PTK2: variants seen among roughly 807,000 people sequenced by gnomAD.
PTK2 encodes the protein focal adhesion kinase 1.
Under a neutral mutation model 150.1 loss-of-function variants are expected in PTK2, and 45 were observed. The observed-to-expected ratio is 0.30, with a 90% confidence interval of 0.24 to 0.38. The LOEUF (loss-of-function observed/expected upper bound fraction) is 0.38, where lower values mean the gene tolerates loss of function less well. Ranked by LOEUF, PTK2 falls within the 10% of genes least tolerant of loss-of-function variation. The pLI is 1.00. For synonymous variants in PTK2, 432 were observed against 449.2 expected (o/e 0.96, Z 0.48); for missense variants, 919 against 1,307.3 (o/e 0.70, Z 4.58).
chr8:140,989,651 G>C (rs1265971470), intron 1 of PTK2, among the ~76,000 whole-genome samples: 1 of 152,072 alleles, frequency 6.6e-6, no homozygotes, highest in East Asian at 1.9e-4. Context: ...GCTCACACCT[G>C]TAATCCCAGC....
At chr8:140,975,806 T>G (rs1031262) in intron 1 of PTK2, among the ~76,000 whole-genome samples, 66,480 of 152,004 alleles carry the variant, frequency 0.44, 16,444 homozygotes, top group Non-Finnish European at 0.57. Flanking sequence ...TCATGCTGCA[T>G]GCCAGGGAAC....
chr8:140,992,216 C>T (rs1341828391), intron 1 of PTK2, among the ~76,000 whole-genome samples: 3 of 150,628 alleles, frequency 2.0e-5, no homozygotes, highest in Non-Finnish European at 2.9e-5. Context: ...TGCTTGAACC[C>T]GAGAGGCAGA....
intron 1 of PTK2, among the ~76,000 whole-genome samples, chr8:140,957,543 A>G (rs2100181617): frequency 6.6e-6 from 1 of 152,226 alleles, no homozygotes; most frequent in Non-Finnish European, 1.5e-5. Context: ...TAAAATCTAC[A>G]GTAGCGTACA....
chr8:140,718,818 A>G (rs2154276497), intron 22 of PTK2: 1 of 152,342 alleles, frequency 6.6e-6, no homozygotes, highest in South Asian at 2.1e-4. Context: ...AAGTCAGCAA[A>G]CCATCACTAC....
At chr8:140,865,955 T>A (rs2100139013) in intron 4 of PTK2, among the ~76,000 whole-genome samples, 2 of 152,196 alleles carry the variant, frequency 1.3e-5, no homozygotes, top group East Asian at 3.9e-4. Flanking sequence ...TGGCTAACTT[T>A]TGTATTTTTA....
intron 1 of PTK2, among the ~76,000 whole-genome samples, chr8:140,943,128 G>A (rs1220516726): frequency 6.6e-6 from 1 of 152,018 alleles, no homozygotes; most frequent in Non-Finnish European, 1.5e-5. Flanking sequence ...CCCAGTCTTG[G>A]GTATTTCTTT....
intron 13 of PTK2, among the ~76,000 whole-genome samples, chr8:140,790,579 G>C (rs556251284): frequency 1.5e-4 from 23 of 152,272 alleles, no homozygotes; most frequent in African/African-American, 5.3e-4. Flanking sequence ...TTCCAATTTT[G>C]GAGCATTTTG....
intron 8 of PTK2, chr8:140,821,852 G>T (rs944869531): frequency 6.6e-5 from 10 of 152,208 alleles, no homozygotes; most frequent in Admixed American, 2.0e-4. Flanking sequence ...CAATAAAATG[G>T]GTTCAAGGTT....
rs192194460 is a variant in PTK2, at chr8:140,934,895, G to A, written c.-121-9146C>T. On this transcript the variant is annotated intron_variant, in intron 1 of 31. Coordinates refer to ENST00000522684, the Ensembl canonical transcript of PTK2. ...TTTTCTTTTCTGTAGGGAAAAGAAA[G>A]AGATATCAAAATGGAGTTAGAGAGA... Among the ~76,000 whole-genome samples the A allele has an allele frequency of 1.0e-4, 15 of 145,794 alleles. No individual in the cohort carries two copies. In the East Asian group the frequency reaches 2.5e-3, roughly 24 times the overall value.
intron 1 of PTK2, among the ~76,000 whole-genome samples, chr8:140,959,906 C>T (rs1014752555): frequency 3.5e-4 from 53 of 151,710 alleles, no homozygotes; most frequent in Non-Finnish European, 1.5e-4. Flanking sequence ...GTCCTCGCTA[C>T]TTGAAAGGCT....
chr8:140,979,926 C>T (rs1016034085), intron 1 of PTK2, among the ~76,000 whole-genome samples: 8 of 152,166 alleles, frequency 5.3e-5, no homozygotes, highest in Non-Finnish European at 7.3e-5. Flanking sequence ...TACCCAGTCT[C>T]GGATATGTCT....
chr8:140,714,560 G>A (rs1458928142), intron 23 of PTK2, among the ~76,000 whole-genome samples: 2 of 151,518 alleles, frequency 1.3e-5, no homozygotes, highest in East Asian at 1.9e-4. Flanking sequence ...ACTTTGGGAG[G>A]CTGAGGCGGG....
exon 7 of PTK2, chr8:140,846,272 T>C: frequency 1.2e-6 from 2 of 1,610,862 alleles, no homozygotes; most frequent in Non-Finnish European, 1.7e-6. Context: ...TAATACTTCA[T>C]AGTTAGACTT....
chr8:140,681,604 C>A (rs777997444), intron 27 of PTK2, among the ~76,000 whole-genome samples: 1 of 151,788 alleles, frequency 6.6e-6, no homozygotes, highest in Non-Finnish European at 1.5e-5. Context: ...AGTGAAACAC[C>A]GTCTCTACTA....
At chr8:140,825,632 G>C (rs1307956311) in intron 8 of PTK2, among the ~76,000 whole-genome samples, 1 of 152,180 alleles carries the variant, frequency 6.6e-6, no homozygotes, top group Non-Finnish European at 1.5e-5. Context: ...GAGCACCCTT[G>C]GTACCCACTG....
intron 7 of PTK2, among the ~76,000 whole-genome samples, chr8:140,839,214 T>G (rs912911264): frequency 6.6e-6 from 1 of 151,774 alleles, no homozygotes; most frequent in African/African-American, 2.4e-5. Flanking sequence ...ACCTGCAAGG[T>G]GGGGATGATG....
chr8:140,910,951 C>T (rs2100162897), intron 2 of PTK2, among the ~76,000 whole-genome samples: 1 of 152,138 alleles, frequency 6.6e-6, no homozygotes, highest in East Asian at 1.9e-4. Flanking sequence ...AATCACGGCT[C>T]ACCGCAGCCT....
chr8:140,668,605 C>T, intron 29 of PTK2, 181 bp from the exon 34 acceptor site: 1 of 594,902 alleles, frequency 1.7e-6, no homozygotes, highest in Non-Finnish European at 2.7e-6. Flanking sequence ...CTCCAAGTGA[C>T]AAATTAGGCA....
chr8:140,815,652 TAA>T (rs1178550598), intron 10 of PTK2, among the ~76,000 whole-genome samples: 2 of 152,072 alleles, frequency 1.3e-5, no homozygotes, highest in South Asian at 4.1e-4. Context: ...AAAGTTAACA[TAA>T]AAAAGTCTAG....
Sources: gnomAD v4.1 joint callset for allele counts (sites outside exome capture counted in the v4.1 genomes callset) on GRCh38, gnomAD v4.1.1 for gene constraint, MANE v1.5 for transcripts, NCBI Gene and HGNC (gene_info 2026-07-23, HGNC 2026-07-21) for gene names.